ITFG1: variants seen among roughly 807,000 people sequenced by gnomAD.
ITFG1 encodes integrin alpha FG-GAP repeat containing 1, also known as T-cell immunomodulatory protein.
In ITFG1, 34 loss-of-function variants were observed where a neutral mutation model predicts 81.8. The observed-to-expected ratio is 0.42, with a 90% CI of 0.32 to 0.55. ITFG1 has a LOEUF of 0.55. ITFG1 is among the 20% of genes least tolerant of loss of function. The pLI, the probability that ITFG1 is intolerant of heterozygous loss-of-function variation, is 0.17. For synonymous variants in ITFG1, 285 were observed against 270.6 expected (o/e 1.05, Z -0.52); for missense variants, 672 against 755.4 (o/e 0.89, Z 1.29).
chr16:47,364,483 C>T (rs1968150005), intron 8 of ITFG1, among the ~76,000 whole-genome samples: 1 of 152,050 alleles, frequency 6.6e-6, no homozygotes, highest in South Asian at 2.1e-4. Flanking sequence ...TCTCTGTACT[C>T]CCTGAAAATT....
At chr16:47,296,237 C>T (rs1261627021) in intron 10 of ITFG1, among the ~76,000 whole-genome samples, 2 of 151,296 alleles carry the variant, frequency 1.3e-5, no homozygotes, top group African/African-American at 4.9e-5. Context: ...AAGTACAGCC[C>T]TTTTTTTCTT....
At chr16:47,459,261 T>C in intron 1 of ITFG1, 86 bp from the exon 2 acceptor site, 1 of 884,168 alleles carries the variant, frequency 1.1e-6, no homozygotes, top group Non-Finnish European at 1.9e-6. Context: ...CTGGGCACTG[T>C]TCTCAACAAG....
chr16:47,277,983 C>G (rs1329793987), intron 10 of ITFG1, among the ~76,000 whole-genome samples: 2 of 152,088 alleles, frequency 1.3e-5, no homozygotes, highest in Non-Finnish European at 2.9e-5. Flanking sequence ...TAAAGTATAT[C>G]ACAAAATTAT....
intron 5 of ITFG1, among the ~76,000 whole-genome samples, chr16:47,431,149 C>T (rs1362011787): frequency 6.6e-6 from 1 of 152,108 alleles, no homozygotes; most frequent in Non-Finnish European, 1.5e-5. Context: ...AGACAGAAAG[C>T]AGATTTGTGG....
At chr16:47,416,977 C>T (rs1030298087) in intron 6 of ITFG1, among the ~76,000 whole-genome samples, 7 of 152,182 alleles carry the variant, frequency 4.6e-5, no homozygotes, top group Non-Finnish European at 1.5e-5. Context: ...CTTACTATTA[C>T]CTGTTATTGC....
chr16:47,348,825 C>G (rs1967901860), intron 8 of ITFG1, among the ~76,000 whole-genome samples: 1 of 152,120 alleles, frequency 6.6e-6, no homozygotes, highest in Non-Finnish European at 1.5e-5. Flanking sequence ...GTCGGGTTAC[C>G]CACAAAGGGA....
intron 14 of ITFG1, among the ~76,000 whole-genome samples, chr16:47,164,113 A>G (rs902264417): frequency 2.0e-5 from 3 of 150,510 alleles, no homozygotes; most frequent in Admixed American, 6.6e-5. Context: ...GATAATATTG[A>G]TAACTCTGGT....
intron 14 of ITFG1, among the ~76,000 whole-genome samples, chr16:47,184,149 T>C (rs1415640201): frequency 6.6e-6 from 1 of 152,102 alleles, no homozygotes; most frequent in African/African-American, 2.4e-5. Flanking sequence ...AATCTACGTG[T>C]GACTGGTGTA....
chr16:47,364,472 A>T (rs1968149896), intron 8 of ITFG1, among the ~76,000 whole-genome samples: 1 of 152,192 alleles, frequency 6.6e-6, no homozygotes, highest in African/African-American at 2.4e-5. Context: ...GGTCAGAGAG[A>T]TCTCTGTACT....
intron 10 of ITFG1, among the ~76,000 whole-genome samples, chr16:47,265,093 T>G (rs1242408212): frequency 6.6e-6 from 1 of 151,644 alleles, no homozygotes; most frequent in Non-Finnish European, 1.5e-5. Context: ...CAGTACACAT[T>G]TAATAACTGC....
At chr16:47,341,400 GA>G (rs545419792) in intron 8 of ITFG1, among the ~76,000 whole-genome samples, 127 of 64,356 alleles carry the variant, frequency 2.0e-3, no homozygotes, top group East Asian at 0.01. Context: ...CTGCGCCACT[GA>G]AAAAAAAAAA....
intron 8 of ITFG1, among the ~76,000 whole-genome samples, chr16:47,353,597 G>T (rs1967997418): frequency 6.6e-6 from 1 of 151,990 alleles, no homozygotes; most frequent in South Asian, 2.1e-4. Flanking sequence ...TGGAAAGGAG[G>T]CAGTCAAACT....
chr16:47,238,213 A>T, intron 12 of ITFG1: 1 of 454,938 alleles, frequency 2.2e-6, no homozygotes, highest in South Asian at 3.4e-5. Flanking sequence ...AACTGTCAAG[A>T]TGCTACTATT....
At chr16:47,233,924 C>T (rs1273613555) in intron 13 of ITFG1, among the ~76,000 whole-genome samples, 1 of 152,112 alleles carries the variant, frequency 6.6e-6, no homozygotes, top group African/African-American at 2.4e-5. Flanking sequence ...ACCGACACAC[C>T]AGAGGAGACA....
At chr16:47,268,403 G>C (rs1596849223) in intron 10 of ITFG1, among the ~76,000 whole-genome samples, 2 of 152,276 alleles carry the variant, frequency 1.3e-5, no homozygotes, top group Admixed American at 1.3e-4. Flanking sequence ...GACCGAAATG[G>C]CTTCACTGAT....
chr16:47,404,269 T>G (rs1968700509), intron 6 of ITFG1, among the ~76,000 whole-genome samples: 1 of 152,112 alleles, frequency 6.6e-6, no homozygotes, highest in Non-Finnish European at 1.5e-5. Flanking sequence ...TGGCAAGACT[T>G]GATAAGTTAA....
chr16:47,261,448 T>C (rs1056953576), intron 10 of ITFG1, among the ~76,000 whole-genome samples: 1 of 152,232 alleles, frequency 6.6e-6, no homozygotes, highest in African/African-American at 2.4e-5. Context: ...TAGTACTCAA[T>C]GAAAGTGTTT....
intron 14 of ITFG1, among the ~76,000 whole-genome samples, chr16:47,175,927 G>C (rs1555502306): frequency 2.6e-5 from 4 of 152,168 alleles, no homozygotes; most frequent in Non-Finnish European, 5.9e-5. Context: ...ATGTTTACAA[G>C]TCCAGGGTGT....
At chr16:47,280,752 CT>C (rs1200364748) in intron 10 of ITFG1, among the ~76,000 whole-genome samples, 1 of 152,142 alleles carries the variant, frequency 6.6e-6, no homozygotes, top group East Asian at 1.9e-4. Flanking sequence ...GTCTCACCCC[CT>C]AATCGTCCCA....
Sources: allele counts gnomAD v4.1 joint callset (sites outside exome capture counted in the v4.1 genomes callset), GRCh38; gene constraint gnomAD v4.1.1; transcripts MANE v1.5; gene names NCBI Gene and HGNC (gene_info 2026-07-23, HGNC 2026-07-21).